Variants in RIMS1 observed in about 807,000 individuals in gnomAD.
The protein encoded by RIMS1 is regulating synaptic membrane exocytosis protein 1.
RIMS1 carries 83 observed loss-of-function variants against 214.1 expected under a neutral mutation model. That is an observed-to-expected ratio of 0.39 (90% CI 0.32 to 0.47). RIMS1 has a LOEUF of 0.47. Among genes scored for constraint, RIMS1 ranks in the 20% least tolerant of loss-of-function variants. The pLI is 0.99. For missense variants in RIMS1, 2,050 were observed against 2,161.8 expected, an observed-to-expected ratio of 0.95 and a Z score of 1.03; for synonymous variants, 793 against 786.8, an observed-to-expected ratio of 1.01 and a Z score of -0.13.
At chr6:72,243,279 A>G (rs147459512) in intron 10 of RIMS1, among the ~76,000 whole-genome samples, 1 of 151,840 alleles carries the variant, frequency 6.6e-6, no homozygotes, top group East Asian at 1.9e-4. Context: ...GGCCTCATGA[A>G]TATATGTCAA....
At chr6:71,909,390 G>A (rs143653578) in intron 1 of RIMS1, among the ~76,000 whole-genome samples, 67 of 152,120 alleles carry the variant, frequency 4.4e-4, no homozygotes, top group Middle Eastern at 3.4e-3. Flanking sequence ...GTGTTTAGTG[G>A]CATACCTTTC....
At chr6:72,318,885 G>A (rs2095986027) in intron 28 of RIMS1, among the ~76,000 whole-genome samples, 12 of 151,932 alleles carry the variant, frequency 7.9e-5, no homozygotes, top group Admixed American at 7.9e-4. Flanking sequence ...ACCTCAAGTT[G>A]GTATTTTAAC....
At chr6:72,346,867 G>A (rs1029056839) in intron 29 of RIMS1, among the ~76,000 whole-genome samples, 4 of 151,688 alleles carry the variant, frequency 2.6e-5, no homozygotes, top group Admixed American at 6.6e-5. Context: ...GTCAGAGACC[G>A]CTTAATCCAC....
chr6:71,889,143 G>A (rs547946978), intron 1 of RIMS1, among the ~76,000 whole-genome samples: 95 of 152,274 alleles, frequency 6.2e-4, no homozygotes, highest in Admixed American at 1.7e-3. Flanking sequence ...AATATAGGCT[G>A]CTGCTTGCCA....
intron 2 of RIMS1, among the ~76,000 whole-genome samples, chr6:72,050,826 T>G: frequency 6.6e-6 from 1 of 152,182 alleles, no homozygotes. Context: ...AGTGCTCCAG[T>G]GTGGGACATC....
At chr6:72,084,903 A>G (rs1834264621) in intron 2 of RIMS1, among the ~76,000 whole-genome samples, 1 of 152,154 alleles carries the variant, frequency 6.6e-6, no homozygotes, top group Non-Finnish European at 1.5e-5. Flanking sequence ...ATAGAAAAAT[A>G]TACAAAAACC....
intron 1 of RIMS1, among the ~76,000 whole-genome samples, chr6:71,942,606 G>T (rs1402980783): frequency 6.6e-6 from 1 of 152,042 alleles, no homozygotes; most frequent in African/African-American, 2.4e-5. Context: ...GATACAGGTA[G>T]CTCTTTTAGA....
chr6:72,187,369 C>T (rs534423622), intron 6 of RIMS1, among the ~76,000 whole-genome samples: 1 of 151,906 alleles, frequency 6.6e-6, no homozygotes, highest in African/African-American at 2.4e-5. Context: ...ATCTTGACTG[C>T]CTTTTGTGCC....
At chr6:72,014,485 A>G (rs1261130314) in intron 2 of RIMS1, among the ~76,000 whole-genome samples, 4 of 152,236 alleles carry the variant, frequency 2.6e-5, no homozygotes. Flanking sequence ...GTATGGATAT[A>G]CCACTTTTAT....
intron 6 of RIMS1, among the ~76,000 whole-genome samples, chr6:72,202,030 G>T (rs980848159): frequency 6.6e-6 from 1 of 152,152 alleles, no homozygotes; most frequent in Non-Finnish European, 1.5e-5. Flanking sequence ...GCTATTCTAG[G>T]TTTATTGTAT....
chr6:72,018,851 AT>A (rs1214122073), intron 2 of RIMS1, among the ~76,000 whole-genome samples: 4 of 152,200 alleles, frequency 2.6e-5, no homozygotes, highest in Non-Finnish European at 5.9e-5. Flanking sequence ...TGTAAAATTT[AT>A]AATTTCAAGG....
intron 2 of RIMS1, among the ~76,000 whole-genome samples, chr6:72,069,779 T>G (rs1830162917): frequency 6.6e-6 from 1 of 152,234 alleles, no homozygotes; most frequent in African/African-American, 2.4e-5. Flanking sequence ...GGCTTCAGAT[T>G]GAAAAGTTCA....
chr6:72,038,119 A>ATG (rs1820418378), intron 2 of RIMS1, among the ~76,000 whole-genome samples: 3 of 21,614 alleles, frequency 1.4e-4, no homozygotes, highest in African/African-American at 1.1e-3. Flanking sequence ...AAAAAAAAAA[A>ATG]TATATATATA....
chr6:72,192,262 A>G (rs76215222), intron 6 of RIMS1, among the ~76,000 whole-genome samples: 1,700 of 152,342 alleles, frequency 0.011, 10 homozygotes, highest in Non-Finnish European at 0.017. Context: ...ATGTCAGCTC[A>G]GAGCCAGTGT....
At chr6:71,924,696 A>G (rs1781066933) in intron 1 of RIMS1, among the ~76,000 whole-genome samples, 1 of 149,504 alleles carries the variant, frequency 6.7e-6, no homozygotes, top group Non-Finnish European at 1.5e-5. Flanking sequence ...AGTCCCAGCT[A>G]CTCAGGAGGC....
chr6:72,385,973 A>G (rs1480905513), intron 29 of RIMS1, among the ~76,000 whole-genome samples: 2 of 152,232 alleles, frequency 1.3e-5, no homozygotes, highest in East Asian at 1.9e-4. Context: ...TTCATCTGCC[A>G]TCTTCATTCA....
intron 6 of RIMS1, among the ~76,000 whole-genome samples, chr6:72,192,122 G>A (rs998142353): frequency 6.6e-6 from 1 of 152,192 alleles, no homozygotes; most frequent in African/African-American, 2.4e-5. Context: ...AATGGCCACA[G>A]GATGTGTCCG....
chr6:72,382,475 A>G (rs555429297), intron 29 of RIMS1, among the ~76,000 whole-genome samples: 1 of 152,334 alleles, frequency 6.6e-6, no homozygotes, highest in South Asian at 2.1e-4. Context: ...GAGATAGATG[A>G]CAATATTACT....
At position 71,998,908 on chromosome 6, in the gene RIMS1, G is replaced by A. The variant is rs185559000; in HGVS notation, c.245+29845G>A. On this transcript the variant is annotated intron_variant, in intron 2 of 33. Coordinates refer to ENST00000521978, the MANE Select transcript of RIMS1 (RefSeq NM_014989.7). Reference sequence around the variant, plus strand: ...TTAAACTAAATTTATAAATGAATTTGCCTCTTTCAATATTGTCTTCTAATT... The same window carrying A: ...TTAAACTAAATTTATAAATGAATTTACCTCTTTCAATATTGTCTTCTAATT... Among the ~76,000 whole-genome samples, 71 of 152,132 alleles carry A rather than the reference G, an allele frequency of 4.7e-4. 1 individual carries two copies. The East Asian group carries it at 0.013, about 29-fold the overall frequency.
Sources: allele counts gnomAD v4.1 joint callset (sites outside exome capture counted in the v4.1 genomes callset), GRCh38; gene constraint gnomAD v4.1.1; transcripts MANE v1.5; gene names NCBI Gene and HGNC (gene_info 2026-07-23, HGNC 2026-07-21).